FCHSD2: variants seen among roughly 807,000 people sequenced by gnomAD.
The protein encoded by FCHSD2 is FCH and double SH3 domains 2.
Under a neutral mutation model 108.1 loss-of-function variants are expected in FCHSD2, and 38 were observed. The ratio of observed to expected loss-of-function variants is 0.35; its 90% CI spans 0.27 to 0.46. The LOEUF (loss-of-function observed/expected upper bound fraction) is 0.46. Among genes scored for constraint, FCHSD2 ranks in the 20% least tolerant of loss-of-function variants. FCHSD2 has a pLI of 1.00. For missense variants in FCHSD2, 751 were observed against 897.8 expected, an observed-to-expected ratio of 0.84 and a Z score of 2.09; for synonymous variants, 279 against 314.7, an observed-to-expected ratio of 0.89 and a Z score of 1.20.
intron 12 of FCHSD2, among the ~76,000 whole-genome samples, chr11:72,881,033 G>A (rs1472925067): frequency 6.6e-6 from 1 of 152,068 alleles, no homozygotes; most frequent in Non-Finnish European, 1.5e-5. Flanking sequence ...AGACAAATAG[G>A]ACTACATTAA....
chr11:73,121,140 TG>T (rs1374124906), intron 2 of FCHSD2, among the ~76,000 whole-genome samples: 1 of 151,786 alleles, frequency 6.6e-6, no homozygotes, highest in Non-Finnish European at 1.5e-5. Flanking sequence ...GCATACCCTT[TG>T]GGGTCTCACT....
At chr11:73,100,104 C>T (rs1361845825) in intron 2 of FCHSD2, among the ~76,000 whole-genome samples, 2 of 152,244 alleles carry the variant, frequency 1.3e-5, no homozygotes, top group South Asian at 2.1e-4. Flanking sequence ...TGTGACACCC[C>T]GCTAATCCTC....
At chr11:72,886,492 A>G (rs1459184700) in intron 12 of FCHSD2, among the ~76,000 whole-genome samples, 1 of 151,736 alleles carries the variant, frequency 6.6e-6, no homozygotes, top group Non-Finnish European at 1.5e-5. Context: ...TTAATGCACC[A>G]CTCCTCGGCA....
intron 8 of FCHSD2, among the ~76,000 whole-genome samples, chr11:72,971,940 G>A (rs1169429760): frequency 1.3e-5 from 2 of 152,142 alleles, no homozygotes; most frequent in African/African-American, 4.8e-5. Flanking sequence ...AAATATTCTA[G>A]ATATTGATTG....
chr11:72,874,375 GAC>G (rs1459928638), intron 12 of FCHSD2, among the ~76,000 whole-genome samples: 1 of 152,084 alleles, frequency 6.6e-6, no homozygotes, highest in African/African-American at 2.4e-5. Flanking sequence ...TTTTTGTAGA[GAC>G]AGCTGTCTCA....
In FCHSD2 at chr11:72,916,968, C is replaced by CTTTTTTTT. The variant is rs71062793; in HGVS notation, c.828+4852_828+4859dup. ...GTTCACAACTTCATTGAACTTCATT[C>CTTTTTTTT]TTTTTTTTTTTTTTTTTTTTTTTTT... On this transcript the variant is annotated intron_variant, in intron 9 of 19. Transcript: ENST00000409418. 2.4e-4 allele frequency among the ~76,000 whole-genome samples: 28 copies of CTTTTTTTT among 118,770 alleles called. 1 individual carries two copies. The highest frequency in any genetic ancestry group is 9.1e-4 in the African/African-American group (28 of 30,632). The allele number at this position is 118,770 out of a possible 152,430, so 77.9% of individuals were successfully genotyped here.
intron 10 of FCHSD2, among the ~76,000 whole-genome samples, chr11:72,901,270 G>T (rs1440910438): frequency 6.6e-6 from 1 of 151,932 alleles, no homozygotes; most frequent in African/African-American, 2.4e-5. Context: ...AGTGGTGCGT[G>T]CCTGTGGCCC....
At chr11:73,050,029 C>A (rs1035896630) in intron 3 of FCHSD2, among the ~76,000 whole-genome samples, 3 of 152,134 alleles carry the variant, frequency 2.0e-5, no homozygotes, top group African/African-American at 7.2e-5. Context: ...GTAGAAGTTG[C>A]CAGGCCTCTC....
At chr11:73,022,347 T>C (rs1858128978) in intron 3 of FCHSD2, among the ~76,000 whole-genome samples, 1 of 152,148 alleles carries the variant, frequency 6.6e-6, no homozygotes, top group Non-Finnish European at 1.5e-5. Context: ...GATGACATGA[T>C]TGTCTATGTA....
intron 8 of FCHSD2, among the ~76,000 whole-genome samples, chr11:72,983,137 A>G (rs1857246490): frequency 6.6e-6 from 1 of 151,974 alleles, no homozygotes; most frequent in African/African-American, 2.4e-5. Flanking sequence ...TACTAAAAAT[A>G]CAAAAAATTA....
intron 3 of FCHSD2, among the ~76,000 whole-genome samples, chr11:73,076,703 T>C (rs895884847): frequency 1.3e-5 from 2 of 152,256 alleles, no homozygotes; most frequent in Non-Finnish European, 2.9e-5. Context: ...ATTAAAAGTA[T>C]ACATAAAAGT....
At chr11:72,933,529 T>C (rs1269856757) in intron 8 of FCHSD2, among the ~76,000 whole-genome samples, 1 of 152,158 alleles carries the variant, frequency 6.6e-6, no homozygotes, top group Admixed American at 6.5e-5. Flanking sequence ...AGTTGGGTCA[T>C]TGTTATTTGC....
chr11:72,953,934 G>A (rs1856662680), intron 8 of FCHSD2, among the ~76,000 whole-genome samples: 1 of 152,084 alleles, frequency 6.6e-6, no homozygotes, highest in Admixed American at 6.6e-5. Flanking sequence ...TTACAGTGAG[G>A]GAAGGGATAG....
intron 3 of FCHSD2, among the ~76,000 whole-genome samples, chr11:73,082,335 CAAAAAAAA>C (rs750423401): frequency 1.1e-3 from 37 of 34,454 alleles, no homozygotes; most frequent in South Asian, 2.8e-3. Flanking sequence ...AGACTTGTCC[CAAAAAAAA>C]AAAAAAAAAA....
In FCHSD2 at chr11:72,953,628, G is replaced by GAA. The variant is rs5792607; in HGVS notation, c.705+30458_705+30459dup. On this transcript the variant is annotated intron_variant, in intron 8 of 19. Transcript: ENST00000409418. ...CAGGTACTGGAGACACTGCATGGGGGAAAAAAAAAACACAAAAACTCTTGC... is the reference window on the plus strand; with the variant it reads ...CAGGTACTGGAGACACTGCATGGGGGAAAAAAAAAAAACACAAAAACTCTTGC... 6.2e-4 allele frequency among the ~76,000 whole-genome samples: 92 copies of GAA among 148,660 alleles called. 1 individual carries two copies. Among genetic ancestry groups the GAA allele is most frequent in the Middle Eastern group, 3.5e-3 (1 of 286 alleles).
chr11:72,954,246 C>T (rs1856671824), intron 8 of FCHSD2, among the ~76,000 whole-genome samples: 1 of 147,014 alleles, frequency 6.8e-6, no homozygotes, highest in Non-Finnish European at 1.5e-5. Flanking sequence ...CACTCTGTCA[C>T]CCAGGCTGGA....
intron 2 of FCHSD2, among the ~76,000 whole-genome samples, chr11:73,112,317 T>C (rs988934573): frequency 6.6e-5 from 10 of 152,234 alleles, no homozygotes; most frequent in Non-Finnish European, 1.2e-4. Flanking sequence ...CATGTCACTC[T>C]TTCCTGGTCT....
chr11:72,978,608 T>C (rs1857152848), intron 8 of FCHSD2, among the ~76,000 whole-genome samples: 1 of 152,132 alleles, frequency 6.6e-6, no homozygotes, highest in African/African-American at 2.4e-5. Flanking sequence ...GGGAGGTGAC[T>C]GGATTATAGG....
chr11:73,087,775 T>G (rs1201521168), intron 2 of FCHSD2, among the ~76,000 whole-genome samples: 1 of 152,104 alleles, frequency 6.6e-6, no homozygotes, highest in Non-Finnish European at 1.5e-5. Flanking sequence ...ATAAACAGCC[T>G]ACAGCAGTAT....
Sources: allele counts gnomAD v4.1 joint callset (sites outside exome capture counted in the v4.1 genomes callset), GRCh38; gene constraint gnomAD v4.1.1; transcripts MANE v1.5; gene names NCBI Gene and HGNC (gene_info 2026-07-23, HGNC 2026-07-21).